The following TMEM51 variants were observed in gnomAD, a reference collection of about 807,000 sequenced individuals.
TMEM51 encodes the protein transmembrane protein 51.
A neutral mutation model predicts 13.6 loss-of-function variants in TMEM51; 8 were observed. The ratio of observed to expected loss-of-function variants is 0.59; its 90% confidence interval spans 0.35 to 1.07. The LOEUF (loss-of-function observed/expected upper bound fraction) is 1.07. TMEM51 is among the 50% of genes least tolerant of loss of function. The probability of loss-of-function intolerance (pLI) is 0.02; values close to 1 mark genes in which losing one functional copy is unlikely to be tolerated. For missense variants in TMEM51, 279 were observed against 330.7 expected, an observed-to-expected ratio of 0.84 and a Z score of 1.21; for synonymous variants, 147 against 144.4, an observed-to-expected ratio of 1.02 and a Z score of -0.13.
intron 1 of TMEM51, among the ~76,000 whole-genome samples, chr1:15,202,712 C>T (rs997311763): frequency 1.3e-5 from 2 of 152,206 alleles, no homozygotes; most frequent in African/African-American, 4.8e-5. Context: ...GTAATCTCCC[C>T]ATCTCAAGAT....
At chr1:15,208,987 G>T (rs190542213) in intron 1 of TMEM51, among the ~76,000 whole-genome samples, 1 of 152,060 alleles carries the variant, frequency 6.6e-6, no homozygotes. Flanking sequence ...ATAATAAAAC[G>T]CTCATGTACC....
At chr1:15,205,838 C>T (rs1313641015) in intron 1 of TMEM51, among the ~76,000 whole-genome samples, 3 of 152,162 alleles carry the variant, frequency 2.0e-5, no homozygotes, top group Admixed American at 6.5e-5. Flanking sequence ...TGTCTTCCTG[C>T]TGGATTGTAA....
intron 1 of TMEM51, among the ~76,000 whole-genome samples, chr1:15,187,200 A>AC (rs1643806385): frequency 3.9e-5 from 1 of 25,852 alleles, no homozygotes; most frequent in Non-Finnish European, 8.4e-5. Context: ...ACCCCCATCC[A>AC]CCCCTCCCCG....
chr1:15,216,537 T>C (rs1644435597), intron 3 of TMEM51, among the ~76,000 whole-genome samples: 1 of 152,198 alleles, frequency 6.6e-6, no homozygotes, highest in South Asian at 2.1e-4. Context: ...GCTGATGAAA[T>C]GTTGACTGAT....
At position 15,215,051 on chromosome 1, in the gene TMEM51, C is replaced by A. The variant is rs1353276296; in HGVS notation, c.-37C>A. On this transcript the variant is annotated 5_prime_UTR_variant, in exon 3 of 4. Coordinates refer to ENST00000376008, the MANE Select transcript of TMEM51 (RefSeq NM_001136218.2). ...CTGCTGCCTTGTATACATTTATTTT[C>A]TTTCTTGGAACTGGGCCTCGCCCTC... is the stretch of plus-strand genomic sequence containing the variant. The A allele has an allele frequency of 1.3e-6, 2 of 1,562,534 alleles. No individual in the cohort carries two copies. Among genetic ancestry groups the A allele is most frequent in the East Asian group, 2.3e-5 (1 of 44,198 alleles).
intron 1 of TMEM51, among the ~76,000 whole-genome samples, chr1:15,185,564 G>A (rs146877298): frequency 2.4e-3 from 361 of 152,306 alleles, no homozygotes; most frequent in African/African-American, 8.2e-3. Flanking sequence ...TTTAATACAC[G>A]GTTATGGCTT....
intron 1 of TMEM51, among the ~76,000 whole-genome samples, chr1:15,204,380 C>G (rs930242894): frequency 1.3e-5 from 2 of 152,152 alleles, no homozygotes; most frequent in Non-Finnish European, 2.9e-5. Flanking sequence ...GTGGTGAAAC[C>G]TCGTCTCTAC....
intron 1 of TMEM51, among the ~76,000 whole-genome samples, chr1:15,206,809 G>A (rs1363323232): frequency 1.3e-5 from 2 of 152,128 alleles, no homozygotes; most frequent in South Asian, 2.1e-4. Context: ...CAGCTGGGCA[G>A]CCCTCCTCCC....
chr1:15,189,498 C>T (rs1643885754), intron 1 of TMEM51, among the ~76,000 whole-genome samples: 2 of 152,162 alleles, frequency 1.3e-5, no homozygotes, highest in Admixed American at 1.3e-4. Flanking sequence ...AATTCCTTAG[C>T]TCATCTTTTG....
At chr1:15,160,107 A>G (rs942237913) in intron 1 of TMEM51, among the ~76,000 whole-genome samples, 2 of 152,000 alleles carry the variant, frequency 1.3e-5, no homozygotes, top group Non-Finnish European at 2.9e-5. Context: ...TGTCTTTTCC[A>G]TGTTTTTCTC....
rs1269909047 is a variant in TMEM51 at position 15,153,825 on chromosome 1, G to T, written c.-396G>T. ...TCCACCACTGCGTTCCCTCGGCTAA[G>T]AATCCCCCGAACCCCAGCCCCGCGA... On this transcript the variant is annotated 5_prime_UTR_variant, in exon 1 of 4. Coordinates refer to ENST00000376008, the MANE Select transcript of TMEM51 (RefSeq NM_001136218.2). 1 of 151,948 alleles carries T rather than the reference G, an allele frequency of 6.6e-6. No homozygotes were observed. Among genetic ancestry groups the T allele is most frequent in the Non-Finnish European group, 1.5e-5 (1 of 67,994 alleles). 9.4% of individuals were successfully genotyped at this position (151,948 alleles called of 1,614,324 possible). A position where few individuals can be genotyped will look rare whatever the true frequency, so the allele number is the denominator to read the frequency against.
At chr1:15,184,504 G>T (rs1193368824) in intron 1 of TMEM51, among the ~76,000 whole-genome samples, 2 of 152,180 alleles carry the variant, frequency 1.3e-5, no homozygotes, top group Admixed American at 6.5e-5. Flanking sequence ...GCAGAGGAGT[G>T]ACATGACTGA....
At chr1:15,205,224 T>TCAA (rs1644227929) in intron 1 of TMEM51, among the ~76,000 whole-genome samples, 1 of 152,216 alleles carries the variant, frequency 6.6e-6, no homozygotes, top group Non-Finnish European at 1.5e-5. Flanking sequence ...GATGAACTTG[T>TCAA]CTTCCTTAAT....
At chr1:15,203,447 G>A (rs1480813230) in intron 1 of TMEM51, among the ~76,000 whole-genome samples, 20 of 150,434 alleles carry the variant, frequency 1.3e-4, no homozygotes, top group African/African-American at 4.9e-4. Flanking sequence ...TTTTTCAGTA[G>A]AGACAGAGTT....
intron 1 of TMEM51, among the ~76,000 whole-genome samples, chr1:15,197,203 T>A (rs750694390): frequency 1.8e-4 from 27 of 152,228 alleles, no homozygotes; most frequent in Non-Finnish European, 3.4e-4. Flanking sequence ...CTTGAAATTA[T>A]CACTGTGCCC....
intron 1 of TMEM51, among the ~76,000 whole-genome samples, chr1:15,204,799 G>A (rs752006304): frequency 6.6e-5 from 10 of 151,680 alleles, no homozygotes; most frequent in Non-Finnish European, 1.2e-4. Context: ...AGTGCCTGGG[G>A]TGTCAGTGCC....
At chr1:15,176,858 G>A (rs1048752806) in intron 1 of TMEM51, among the ~76,000 whole-genome samples, 2 of 152,234 alleles carry the variant, frequency 1.3e-5, no homozygotes, top group African/African-American at 4.8e-5. Flanking sequence ...GGAAGACTTA[G>A]AGGAGTCAGT....
intron 2 of TMEM51, among the ~76,000 whole-genome samples, chr1:15,214,006 C>CTTTTTTTTTTTTTTTTT (rs367871717): frequency 2.4e-5 from 3 of 124,200 alleles, no homozygotes; most frequent in African/African-American, 9.2e-5. Context: ...AGCACCCAGC[C>CTTTTTTTTTTTTTTTTT]TTTTTTTTTT....
intron 1 of TMEM51, among the ~76,000 whole-genome samples, chr1:15,172,810 C>T (rs1643330589): frequency 6.6e-6 from 1 of 152,226 alleles, no homozygotes; most frequent in South Asian, 2.1e-4. Context: ...CACTGTCCCA[C>T]TCTGTCCTGC....
Sources: allele counts gnomAD v4.1 joint callset (sites outside exome capture counted in the v4.1 genomes callset), GRCh38; gene constraint gnomAD v4.1.1; transcripts MANE v1.5; gene names NCBI Gene and HGNC (gene_info 2026-07-23, HGNC 2026-07-21).